Variants in RSRC1 observed in about 807,000 individuals in gnomAD.
The protein encoded by RSRC1 is arginine and serine rich coiled-coil 1, also known as serine/Arginine-related protein 53.
In RSRC1, 39 loss-of-function variants were observed where a neutral mutation model predicts 49.1. That is an observed-to-expected ratio of 0.79 (90% confidence interval 0.61 to 1.04). The LOEUF (loss-of-function observed/expected upper bound fraction) is 1.04. Ranked by LOEUF, RSRC1 falls within the 50% of genes least tolerant of loss-of-function variation. The probability of loss-of-function intolerance (pLI) is 0.00; values close to 1 mark genes in which losing one functional copy is unlikely to be tolerated. For missense variants in RSRC1, 388 were observed against 402.4 expected (o/e 0.96, Z 0.31); for synonymous variants, 143 against 130.8 (o/e 1.09, Z -0.63).
At chr3:158,362,372 A>G (rs1357545367) in intron 6 of RSRC1, among the ~76,000 whole-genome samples, 1 of 152,154 alleles carries the variant, frequency 6.6e-6, no homozygotes, top group East Asian at 1.9e-4. Context: ...TAAAACTTCT[A>G]CATCTTTCCC....
At chr3:158,153,900 A>G (rs1462443995) in intron 3 of RSRC1, among the ~76,000 whole-genome samples, 1 of 152,134 alleles carries the variant, frequency 6.6e-6, no homozygotes, top group Non-Finnish European at 1.5e-5. Context: ...TATGATGAGA[A>G]ATCCCAGGAT....
At chr3:158,274,808 AG>A (rs1161227500) in intron 4 of RSRC1, among the ~76,000 whole-genome samples, 20 of 152,228 alleles carry the variant, frequency 1.3e-4, no homozygotes, top group Admixed American at 1.3e-3. Context: ...TAGTTTGGCC[AG>A]GAACAAGAGA....
chr3:158,265,617 G>A lies in RSRC1; in HGVS notation c.495-32422G>A, dbSNP rs561103773. 1.2e-4 allele frequency among the ~76,000 whole-genome samples: 17 copies of A among 144,186 alleles called. No homozygotes were observed. The South Asian group carries it at 3.7e-3, about 31-fold the overall frequency. 94.6% of individuals were successfully genotyped at this position (144,186 alleles called of 152,430 possible). ...TTGCTCTCTAGCCTGGGTGACAACA[G>A]TGAAACTCAGTCTCAAAAAAAAAAA... On this transcript the variant is annotated intron_variant, in intron 4 of 9. Transcript: ENST00000611884.
intron 4 of RSRC1, among the ~76,000 whole-genome samples, chr3:158,236,560 G>A (rs1723258817): frequency 6.6e-6 from 1 of 152,174 alleles, no homozygotes; most frequent in Non-Finnish European, 1.5e-5. Flanking sequence ...GAATCATAGA[G>A]TATATATGCT....
chr3:158,126,409 A>C (rs1215425485), intron 3 of RSRC1, among the ~76,000 whole-genome samples: 2 of 151,932 alleles, frequency 1.3e-5, no homozygotes, highest in Non-Finnish European at 2.9e-5. Context: ...GGTTGCCATG[A>C]GGCTTACACA....
intron 6 of RSRC1, among the ~76,000 whole-genome samples, chr3:158,427,798 T>C (rs898022398): frequency 2.0e-5 from 3 of 151,816 alleles, no homozygotes; most frequent in Non-Finnish European, 4.4e-5. Flanking sequence ...GATAACATAA[T>C]TCTATTGACT....
At chr3:158,508,656 G>A (rs780043775) in intron 7 of RSRC1, among the ~76,000 whole-genome samples, 11 of 152,106 alleles carry the variant, frequency 7.2e-5, no homozygotes, top group African/African-American at 9.7e-5. Context: ...GCTGAGTAGC[G>A]TGATGAAATC....
intron 6 of RSRC1, among the ~76,000 whole-genome samples, chr3:158,383,015 A>G (rs978603836): frequency 6.6e-6 from 1 of 152,184 alleles, no homozygotes; most frequent in Admixed American, 6.6e-5. Flanking sequence ...TGTCAGATTA[A>G]TTAGAGTAAA....
At chr3:158,140,355 A>C (rs1716668614) in intron 3 of RSRC1, among the ~76,000 whole-genome samples, 1 of 152,176 alleles carries the variant, frequency 6.6e-6, no homozygotes, top group Non-Finnish European at 1.5e-5. Flanking sequence ...TCTTGTTAAG[A>C]AATGGTTTTA....
chr3:158,202,566 A>ATATATATATATATATATATATATATATG (rs1559941225), intron 3 of RSRC1, among the ~76,000 whole-genome samples: 6 of 137,742 alleles, frequency 4.4e-5, no homozygotes, highest in African/African-American at 1.4e-4. Context: ...GGTAGATTAT[A>ATATATATATATATATATATATATATATG]TATATATATA....
chr3:158,145,743 A>G (rs941155618), intron 3 of RSRC1, among the ~76,000 whole-genome samples: 8 of 151,980 alleles, frequency 5.3e-5, no homozygotes, highest in Non-Finnish European at 1.2e-4. Context: ...TTTTCACGAT[A>G]TTGCTTCTTC....
chr3:158,148,828 G>C (rs1409983821), intron 3 of RSRC1, among the ~76,000 whole-genome samples: 1 of 150,950 alleles, frequency 6.6e-6, no homozygotes, highest in Admixed American at 6.6e-5. Flanking sequence ...TTATTGCCCA[G>C]GCTAGAGTGC....
intron 7 of RSRC1, among the ~76,000 whole-genome samples, chr3:158,491,780 T>G (rs1471715927): frequency 1.3e-5 from 2 of 152,200 alleles, no homozygotes; most frequent in African/African-American, 4.8e-5. Flanking sequence ...GTGAAAAACT[T>G]TTACTTTTGA....
At position 158,545,689 on chromosome 3, in the gene RSRC1, TTTC is replaced by T. The variant is rs1415133014; in HGVS notation, c.*1417_*1419del. 1.3e-5 allele frequency: 2 copies of T among 152,226 alleles called. No homozygotes were observed. The highest frequency in any genetic ancestry group is 2.9e-5 in the Non-Finnish European group (2 of 68,048). 9.4% of individuals were successfully genotyped at this position (152,226 alleles called of 1,614,324 possible). A position where few individuals can be genotyped will look rare whatever the true frequency, so the allele number is the denominator to read the frequency against. ...TTTCCCATTCTAAATAGATGCTAGT[TTTC>T]TTTTTTCCTTGGCTGTAAATAAAAG... On this transcript the variant is annotated 3_prime_UTR_variant, in exon 10 of 10. Coordinates refer to ENST00000611884, the MANE Select transcript of RSRC1 (RefSeq NM_001271838.2).
chr3:158,387,599 T>A (rs950130105), intron 6 of RSRC1, among the ~76,000 whole-genome samples: 1 of 152,172 alleles, frequency 6.6e-6, no homozygotes, highest in African/African-American at 2.4e-5. Context: ...CTCAGTGCCT[T>A]AATATCTTTG....
At position 158,539,806 on chromosome 3, in the gene RSRC1, C is replaced by A. The variant is rs1417188927; in HGVS notation, c.759+2608C>A. Among the ~76,000 whole-genome samples the A allele has an allele frequency of 6.6e-6, 1 of 152,122 alleles. No individual in the cohort carries two copies. The highest frequency in any genetic ancestry group is 1.5e-5 in the Non-Finnish European group (1 of 68,004). ...GCTCTGATCTAACCTCTGAGAGCTT[C>A]ACCTTCTATTATGTGTAAGTACTTC... On this transcript the variant is annotated intron_variant, in intron 8 of 9. Coordinates refer to ENST00000611884, the MANE Select transcript of RSRC1 (RefSeq NM_001271838.2). This position sits in a 1 kb window ranked among gnomAD's most constrained non-coding sequence, Gnocchi z 4.1.
At chr3:158,246,293 T>C (rs969536945) in intron 4 of RSRC1, among the ~76,000 whole-genome samples, 1 of 151,900 alleles carries the variant, frequency 6.6e-6, no homozygotes, top group South Asian at 2.1e-4. Flanking sequence ...ATATACCTAA[T>C]GTTAAATGAC....
At chr3:158,344,839 TGTAA>T (rs1270003410) in intron 5 of RSRC1, among the ~76,000 whole-genome samples, 1 of 152,164 alleles carries the variant, frequency 6.6e-6, no homozygotes, top group Non-Finnish European at 1.5e-5. Flanking sequence ...AAAGGAGTAT[TGTAA>T]GTTTTTGGTA....
chr3:158,439,031 G>C (rs865983161), intron 6 of RSRC1, among the ~76,000 whole-genome samples: 8 of 152,130 alleles, frequency 5.3e-5, no homozygotes, highest in African/African-American at 1.4e-4. Context: ...CTCAAAAGAA[G>C]ACATTTATGC....
Sources: gnomAD v4.1 joint callset for allele counts (sites outside exome capture counted in the v4.1 genomes callset) on GRCh38, gnomAD v4.1.1 for gene constraint, Gnocchi (gnomAD v3.1) non-coding constraint, MANE v1.5 for transcripts, NCBI Gene and HGNC (gene_info 2026-07-23, HGNC 2026-07-21) for gene names.